Variants in SLC9A9 observed in about 807,000 individuals in gnomAD.
SLC9A9 encodes the protein sodium/hydrogen exchanger 9.
Under a neutral mutation model 77.8 loss-of-function variants are expected in SLC9A9, and 62 were observed. That is an observed-to-expected ratio of 0.80 (90% confidence interval 0.65 to 0.98). SLC9A9 has a LOEUF of 0.98. Ranked by LOEUF, SLC9A9 falls within the 50% of genes least tolerant of loss-of-function variation. SLC9A9 has a pLI of 0.00. For synonymous variants in SLC9A9, 320 were observed against 283.5 expected, an observed-to-expected ratio of 1.13 and a Z score of -1.29; for missense variants, 775 against 774.9, an observed-to-expected ratio of 1.00 and a Z score of 0.00.
intron 9 of SLC9A9, among the ~76,000 whole-genome samples, chr3:143,535,008 A>C (rs1317214461): frequency 2.6e-5 from 4 of 152,350 alleles, no homozygotes; most frequent in South Asian, 4.1e-4. Context: ...GCCTTAAAAA[A>C]AGTGATAGAA....
chr3:143,688,139 T>C (rs1235971269), intron 5 of SLC9A9, among the ~76,000 whole-genome samples: 2 of 151,696 alleles, frequency 1.3e-5, no homozygotes, highest in African/African-American at 4.8e-5. Context: ...TCTTTTGAGA[T>C]GGGGTTTTGC....
chr3:143,354,140 G>A (rs1367761895), intron 14 of SLC9A9, among the ~76,000 whole-genome samples: 1 of 152,112 alleles, frequency 6.6e-6, no homozygotes, highest in Non-Finnish European at 1.5e-5. Flanking sequence ...ATCTATTCAT[G>A]CCACACTCAT....
At position 143,266,604 on chromosome 3, in the gene SLC9A9, G is replaced by T; in HGVS notation, c.*98C>A. 8.2e-7 allele frequency: 1 copy of T among 1,224,068 alleles called. No homozygotes were observed. Among genetic ancestry groups the T allele is most frequent in the Non-Finnish European group, 1.2e-6 (1 of 841,674 alleles). The allele number at this position is 1,224,068 out of a possible 1,614,324, so 75.8% of individuals were successfully genotyped here. Reference sequence around the variant, plus strand: ...TCTCTCCAATTTATGCTCTTAATATGTTTTCCAGCCTCTCCCCTGTACTGC... The same window carrying T: ...TCTCTCCAATTTATGCTCTTAATATTTTTTCCAGCCTCTCCCCTGTACTGC... On this transcript the variant is annotated 3_prime_UTR_variant, in exon 16 of 16. Coordinates refer to ENST00000316549, the MANE Select transcript of SLC9A9 (RefSeq NM_173653.4).
At chr3:143,648,161 A>G (rs1469522035) in intron 6 of SLC9A9, among the ~76,000 whole-genome samples, 3 of 152,206 alleles carry the variant, frequency 2.0e-5, no homozygotes, top group Admixed American at 6.6e-5. Flanking sequence ...TTTGTAATGT[A>G]TATAGAACAA....
At chr3:143,530,638 AAAAAC>A (rs199948357) in intron 9 of SLC9A9, among the ~76,000 whole-genome samples, 3,802 of 150,802 alleles carry the variant, frequency 0.025, 92 homozygotes, top group East Asian at 0.12. Flanking sequence ...CAGAAATCTG[AAAAAC>A]AAAACAAAAC....
rs544006321 is a variant in SLC9A9, at chr3:143,484,223, T to C, written c.1315+9430A>G. On this transcript the variant is annotated intron_variant, in intron 11 of 15. Coordinates refer to ENST00000316549, the MANE Select transcript of SLC9A9 (RefSeq NM_173653.4). ...CATAATTAAGAAACATTAAACTATATTTATAATCAAATATTCTTTAAGGGG... is the reference window on the plus strand; with the variant it reads ...CATAATTAAGAAACATTAAACTATACTTATAATCAAATATTCTTTAAGGGG... Among the ~76,000 whole-genome samples, 292 of 152,310 alleles carry C rather than the reference T, an allele frequency of 1.9e-3. 3 individuals carry two copies. The highest frequency in any genetic ancestry group is 7.2e-4 in the Non-Finnish European group (49 of 68,034).
intron 12 of SLC9A9, among the ~76,000 whole-genome samples, chr3:143,420,419 G>C (rs2034275885): frequency 6.6e-6 from 1 of 152,164 alleles, no homozygotes; most frequent in South Asian, 2.1e-4. Context: ...TTTCTTGCCA[G>C]AGCAGTCATC....
chr3:143,812,148 G>A (rs1020342160), intron 2 of SLC9A9, among the ~76,000 whole-genome samples: 28 of 152,116 alleles, frequency 1.8e-4, no homozygotes, highest in Admixed American at 1.8e-3. Flanking sequence ...TAATAAAATG[G>A]CTACTGGAAA....
chr3:143,832,103 A>G lies in SLC9A9; in HGVS notation c.294T>C (p.Thr98=), dbSNP rs1227555708. 9.3e-6 allele frequency: 15 copies of G among 1,613,148 alleles called. No individual in the cohort carries two copies. The highest frequency in any genetic ancestry group is 1.3e-5 in the Non-Finnish European group (15 of 1,179,556). ...FSPSTLLVNI[T]DQVYEYKYKR... ...TGTATTTATATTCATAAACTTGGTC[A>G]GTGATATTAACCAGCAGAGTTGATG... is the stretch of plus-strand genomic sequence containing the variant. Residue 98 remains threonine (T), a synonymous_variant, in exon 2 of 16, where the codon ACT becomes ACC. Transcript: ENST00000316549.
intron 6 of SLC9A9, among the ~76,000 whole-genome samples, chr3:143,636,363 T>C (rs1430475474): frequency 6.6e-6 from 1 of 152,234 alleles, no homozygotes; most frequent in Non-Finnish European, 1.5e-5. Context: ...TCTAGCCAGA[T>C]TTCCGATTTC....
At chr3:143,659,938 G>A (rs968731921) in intron 5 of SLC9A9, among the ~76,000 whole-genome samples, 2 of 152,152 alleles carry the variant, frequency 1.3e-5, no homozygotes, top group African/African-American at 4.8e-5. Flanking sequence ...CACGAGCTCT[G>A]AGGGATTCAT....
chr3:143,387,917 C>T (rs10935491), intron 12 of SLC9A9, among the ~76,000 whole-genome samples: 42,421 of 152,038 alleles, frequency 0.28, 6,472 homozygotes, highest in Non-Finnish European at 0.35. Flanking sequence ...CAAAAAGGCA[C>T]TGAAATACTA....
At chr3:143,513,961 CG>C (rs1313515238) in intron 9 of SLC9A9, among the ~76,000 whole-genome samples, 9 of 152,110 alleles carry the variant, frequency 5.9e-5, no homozygotes, top group Admixed American at 5.9e-4. Flanking sequence ...ATGTCATTTA[CG>C]TTAGGTATAT....
chr3:143,379,961 T>A (rs1471074674), intron 13 of SLC9A9, among the ~76,000 whole-genome samples: 3 of 152,182 alleles, frequency 2.0e-5, no homozygotes, highest in Non-Finnish European at 2.9e-5. Context: ...CCTCCAATCA[T>A]CCATAAAATG....
intron 9 of SLC9A9, among the ~76,000 whole-genome samples, chr3:143,511,815 T>C (rs2036119771): frequency 1.3e-5 from 2 of 152,384 alleles, no homozygotes; most frequent in South Asian, 2.1e-4. Context: ...TTTGGTCTTT[T>C]ATCTGCATCT....
chr3:143,435,564 T>C (rs932540389), intron 12 of SLC9A9, among the ~76,000 whole-genome samples: 1 of 152,098 alleles, frequency 6.6e-6, no homozygotes, highest in Non-Finnish European at 1.5e-5. Context: ...TGCAGAAAAG[T>C]GGGAGCAAGG....
intron 5 of SLC9A9, among the ~76,000 whole-genome samples, chr3:143,659,208 A>T (rs2038942898): frequency 6.6e-6 from 1 of 152,140 alleles, no homozygotes; most frequent in Non-Finnish European, 1.5e-5. Context: ...AAAAACATTA[A>T]AAAAGGCCTG....
chr3:143,286,706 T>C (rs1938391130), intron 14 of SLC9A9, among the ~76,000 whole-genome samples: 1 of 152,190 alleles, frequency 6.6e-6, no homozygotes, highest in Admixed American at 6.5e-5. Context: ...TAGATCTAGG[T>C]GGAGCTGGAA....
At chr3:143,565,170 G>A (rs1181864953) in intron 8 of SLC9A9, among the ~76,000 whole-genome samples, 4 of 152,122 alleles carry the variant, frequency 2.6e-5, no homozygotes, top group Non-Finnish European at 5.9e-5. Flanking sequence ...GAAGGTCCTG[G>A]AATGAACTGA....
Sources: allele counts gnomAD v4.1 joint callset (sites outside exome capture counted in the v4.1 genomes callset), GRCh38; gene constraint gnomAD v4.1.1; transcripts MANE v1.5; gene names NCBI Gene and HGNC (gene_info 2026-07-23, HGNC 2026-07-21).